Variants in XKRX observed in about 807,000 individuals in gnomAD.
XKRX encodes XK related X-linked.
In XKRX, 11 loss-of-function variants were observed where a neutral mutation model predicts 22.4. That is an observed-to-expected ratio of 0.49 (90% CI 0.31 to 0.81). The LOEUF is 0.81. Among genes scored for constraint, XKRX ranks in the 40% least tolerant of loss-of-function variants. The probability of loss-of-function intolerance (pLI) is 0.05; values close to 1 mark genes in which losing one functional copy is unlikely to be tolerated. For missense variants in XKRX, 320 were observed against 336.5 expected, an observed-to-expected ratio of 0.95 and a Z score of 0.38; for synonymous variants, 114 against 132.2, an observed-to-expected ratio of 0.86 and a Z score of 0.94.
At chrX:100,941,505 C>A in the XKRX span, among the ~76,000 whole-genome samples, 1 of 111,064 alleles carries the variant, frequency 9.0e-6, no homozygotes, top group Non-Finnish European at 1.9e-5. Context: ...GCCGAGATTG[C>A]GCTATTGCAC....
intron 2 of XKRX, among the ~76,000 whole-genome samples, chrX:100,917,590 G>T (rs1273411675): frequency 2.2e-5 from 2 of 89,709 alleles, no homozygotes; most frequent in Non-Finnish European, 4.5e-5. Context: ...AGAAAGAAAA[G>T]AAAGAAAAAG....
At chrX:100,902,346 G>A in the XKRX span, among the ~76,000 whole-genome samples, 3 of 111,745 alleles carry the variant, frequency 2.7e-5, no homozygotes, top group African/African-American at 9.7e-5. Flanking sequence ...GATACCAACT[G>A]CCTATAACCT....
At chrX:100,950,795 T>C in the XKRX span, among the ~76,000 whole-genome samples, 4 of 111,844 alleles carry the variant, frequency 3.6e-5, no homozygotes, top group African/African-American at 9.8e-5. Flanking sequence ...AAATATACCA[T>C]AGGTCAAAGA....
At position 100,914,394 on chromosome X, in the gene XKRX, T is replaced by C. The variant is rs768822119; in HGVS notation, c.1294A>G (p.Arg432Gly). 35 of 1,210,204 alleles carry C rather than the reference T, an allele frequency of 2.9e-5. 1 individual carries two copies. In the South Asian group the frequency reaches 5.6e-4, roughly 19 times the overall value. ...AAGGGTGGCTCTGAGTTCTCAACCC[T>C]GGTCCGAGGGTGCTGGTGACAGCAG... ...CVCCHQHPRTRVENSEPPFET... is the reference protein window; with the variant it reads ...CVCCHQHPRTGVENSEPPFET... Residue 432 changes from arginine (R) to glycine (G), a missense_variant, in exon 3 of 3, where the codon AGG becomes GGG. Transcript: ENST00000372956.
chrX:100,923,383 A>G (rs1455168750), intron 1 of XKRX, among the ~76,000 whole-genome samples: 1 of 111,978 alleles, frequency 8.9e-6, no homozygotes, highest in East Asian at 2.8e-4. Flanking sequence ...CCTGGGCTCA[A>G]GCAATCCTAC....
intron 2 of XKRX, among the ~76,000 whole-genome samples, chrX:100,918,414 C>T (rs182541902): frequency 7.2e-5 from 8 of 111,650 alleles, no homozygotes; most frequent in African/African-American, 2.3e-4. Context: ...AGCTGTGTGG[C>T]GATGCTTTCC....
At chrX:100,940,099 G>A in the XKRX span, among the ~76,000 whole-genome samples, 2 of 111,552 alleles carry the variant, frequency 1.8e-5, no homozygotes, top group African/African-American at 3.3e-5. Flanking sequence ...TAAACTAAGG[G>A]GCTCTTTAGT....
chrX:100,944,342 G>C, the XKRX span, among the ~76,000 whole-genome samples: 1 of 111,664 alleles, frequency 9.0e-6, no homozygotes, highest in Non-Finnish European at 1.9e-5. Context: ...GAGAGTCTAA[G>C]GACATTAAAT....
In XKRX at chrX:100,914,575, T is replaced by C. The variant is rs141193617; in HGVS notation, c.1113A>G (p.Gly371=). ...VIMVLVFKFF[G]VKVLLNYCHS... ...GACAGTAATTCAGTAACACTTTCACTCCAAAGAACTTAAAAACCAAGACCA... is the reference window on the plus strand; with the variant it reads ...GACAGTAATTCAGTAACACTTTCACCCCAAAGAACTTAAAAACCAAGACCA... The change falls in exon 3 of 3, where the codon GGA becomes GGG. Residue 371 remains glycine (G), a synonymous_variant. Transcript: ENST00000372956. The C allele has an allele frequency of 1.5e-5, 18 of 1,210,182 alleles. No individual in the cohort carries two copies. In the African/African-American group the frequency reaches 3.0e-4, roughly 20 times the overall value.
At chrX:100,897,477 C>T in the XKRX span, among the ~76,000 whole-genome samples, 7 of 104,369 alleles carry the variant, frequency 6.7e-5, no homozygotes, top group South Asian at 2.7e-3. Flanking sequence ...CCTGGCTACT[C>T]GGGAGGCTGA....
the XKRX span, among the ~76,000 whole-genome samples, chrX:100,935,714 A>G: frequency 8.9e-6 from 1 of 112,501 alleles, no homozygotes; most frequent in African/African-American, 3.2e-5. Context: ...TGTCAGATTT[A>G]CATTGCAGTC....
the XKRX span, among the ~76,000 whole-genome samples, chrX:100,950,540 A>G: frequency 3.6e-5 from 4 of 112,320 alleles, no homozygotes; most frequent in African/African-American, 1.3e-4. Flanking sequence ...TCAAGGTCTA[A>G]TTGACATTTA....
At chrX:100,891,783 G>GAAAGAAAGAAAGAAAGAAAGAA in the XKRX span, among the ~76,000 whole-genome samples, 1 of 104,854 alleles carries the variant, frequency 9.5e-6, no homozygotes, top group African/African-American at 3.5e-5. Context: ...AAGAAAGAAA[G>GAAAGAAAGAAAGAAAGAAAGAA]AAAGAAAGAA....
At chrX:100,907,930 T>C in the XKRX span, among the ~76,000 whole-genome samples, 1 of 111,619 alleles carries the variant, frequency 9.0e-6, no homozygotes, top group Admixed American at 9.6e-5. Context: ...TCCATATAGG[T>C]TTTCTTGGCA....
At chrX:100,917,888 CA>C (rs2085453418) in intron 2 of XKRX, among the ~76,000 whole-genome samples, 1 of 111,017 alleles carries the variant, frequency 9.0e-6, no homozygotes, top group Non-Finnish European at 1.9e-5. Flanking sequence ...CAGAGTAGTT[CA>C]AAAATTTCCA....
At chrX:100,930,995 G>T (rs2085519795), upstream of XKRX, among the ~76,000 whole-genome samples, 1 of 109,606 alleles carries the variant, frequency 9.1e-6, no homozygotes, top group Non-Finnish European at 1.9e-5. Context: ...AGCTGGGCGT[G>T]GTGGTGGGCA....
At chrX:100,897,190 A>G in the XKRX span, among the ~76,000 whole-genome samples, 2 of 111,957 alleles carry the variant, frequency 1.8e-5, no homozygotes, top group African/African-American at 6.5e-5. Flanking sequence ...GGTAAGAGAA[A>G]AAAGACACAA....
chrX:100,914,312 C>T lies in XKRX; in HGVS notation c.*26G>A. On this transcript the variant is annotated 3_prime_UTR_variant, in exon 3 of 3. Transcript: ENST00000372956. Reference sequence around the variant, plus strand: ...TGGTTACTCTTGGCAACTCCCAACTCTTCCTAAAATACCCAGAAAATAGAA... The same window carrying T: ...TGGTTACTCTTGGCAACTCCCAACTTTTCCTAAAATACCCAGAAAATAGAA... 3 of 1,195,837 alleles carry T rather than the reference C, an allele frequency of 2.5e-6. No individual in the cohort carries two copies. The highest frequency in any genetic ancestry group is 3.4e-6 in the Non-Finnish European group (3 of 887,227).
chrX:100,892,587 C>T, the XKRX span, among the ~76,000 whole-genome samples: 2 of 112,840 alleles, frequency 1.8e-5, no homozygotes, highest in African/African-American at 6.4e-5. Context: ...TGTCCACCAT[C>T]GCTAATCATC....
Sources: gnomAD v4.1 joint callset for allele counts (sites outside exome capture counted in the v4.1 genomes callset) on GRCh38, gnomAD v4.1.1 for gene constraint, MANE v1.5 for transcripts, NCBI Gene and HGNC (gene_info 2026-07-23, HGNC 2026-07-21) for gene names.